Variants in CNKSR2 observed in about 807,000 individuals in gnomAD.
CNKSR2 encodes CNK homolog protein 2.
Under a neutral mutation model 84.4 loss-of-function variants are expected in CNKSR2, and 14 were observed. That is an observed-to-expected ratio of 0.17 (90% CI 0.11 to 0.26). The LOEUF (loss-of-function observed/expected upper bound fraction) is 0.26. CNKSR2 is among the 10% of genes least tolerant of loss of function. The pLI is 1.00. For missense variants in CNKSR2, 485 were observed against 771.2 expected, an observed-to-expected ratio of 0.63 and a Z score of 4.40; for synonymous variants, 275 against 277.9, an observed-to-expected ratio of 0.99 and a Z score of 0.10.
intron 1 of CNKSR2, among the ~76,000 whole-genome samples, chrX:21,385,386 AT>A (rs777001620): frequency 5.9e-4 from 66 of 112,145 alleles, no homozygotes; most frequent in Non-Finnish European, 1.0e-3. Context: ...GCACATATAA[AT>A]GTCAACTTTT....
At position 21,389,120 on chromosome X, in the gene CNKSR2, G is replaced by T. The variant is rs549436735; in HGVS notation, c.64+14159G>T. 5.6e-5 allele frequency among the ~76,000 whole-genome samples: 6 copies of T among 106,726 alleles called. No homozygotes were observed. The South Asian group carries it at 2.6e-3, about 47-fold the overall frequency. The allele number at this position is 106,726 out of a possible 115,157, so 92.7% of individuals were successfully genotyped here. A position where few individuals can be genotyped will look rare whatever the true frequency, so the allele number is the denominator to read the frequency against. The stretch of plus-strand genomic sequence containing the variant: ...ATTTAAGGACATTTTTCAGAATACC[G>T]AACCAATACTCCACAAAACTGTCAA... On this transcript the variant is annotated intron_variant, in intron 1 of 21. Coordinates refer to ENST00000379510, the MANE Select transcript of CNKSR2 (RefSeq NM_014927.5).
At chrX:21,495,296 A>T (rs2091482018) in intron 6 of CNKSR2, 1 of 111,660 alleles carries the variant, frequency 9.0e-6, no homozygotes, top group South Asian at 3.8e-4. Flanking sequence ...AACAGAGATA[A>T]TGATAGTTTC....
intron 20 of CNKSR2, among the ~76,000 whole-genome samples, chrX:21,648,096 C>G (rs1457025443): frequency 1.8e-5 from 2 of 111,711 alleles, no homozygotes; most frequent in Non-Finnish European, 3.8e-5. Flanking sequence ...TCAGGTCTTA[C>G]AAATACTAAG....
chrX:21,496,059 T>C (rs758467862), intron 6 of CNKSR2, among the ~76,000 whole-genome samples: 2 of 110,575 alleles, frequency 1.8e-5, no homozygotes, highest in East Asian at 5.7e-4. Flanking sequence ...CTGTAGGCAA[T>C]TGTGACACAG....
intron 1 of CNKSR2, among the ~76,000 whole-genome samples, chrX:21,411,422 G>A (rs1157172709): frequency 2.7e-5 from 3 of 111,579 alleles, no homozygotes; most frequent in African/African-American, 6.5e-5. Flanking sequence ...TGCCAAGCAC[G>A]AAGATTACAA....
At chrX:21,583,116 C>T (rs913920922) in intron 13 of CNKSR2, among the ~76,000 whole-genome samples, 3 of 110,977 alleles carry the variant, frequency 2.7e-5, no homozygotes, top group Admixed American at 9.6e-5. Context: ...ACATGTACCC[C>T]GATCCTAAAA....
intron 3 of CNKSR2, among the ~76,000 whole-genome samples, chrX:21,433,653 TACACACAC>T (rs56377458): frequency 1.8e-4 from 16 of 87,552 alleles, no homozygotes; most frequent in East Asian, 1.4e-3. Context: ...TATGTGTTCC[TACACACAC>T]ACACACACAC....
chrX:21,459,182 C>G lies in CNKSR2; in HGVS notation c.520-11584C>G, dbSNP rs141754794. ...GGATTACAGGTGTGCACTACCACCACCCGGCTACTTTTTGTATTTTTGGTA... is the reference window on the plus strand; with the variant it reads ...GGATTACAGGTGTGCACTACCACCAGCCGGCTACTTTTTGTATTTTTGGTA... On this transcript the variant is annotated intron_variant, in intron 4 of 21. Transcript: ENST00000379510. Among the ~76,000 whole-genome samples, 750 of 109,926 alleles carry G rather than the reference C, an allele frequency of 6.8e-3. 4 individuals are homozygous for G. Among genetic ancestry groups the G allele is most frequent in the African/African-American group, 0.024 (712 of 30,225 alleles).
At chrX:21,501,741 T>C (rs1316391883) in intron 8 of CNKSR2, among the ~76,000 whole-genome samples, 153 bp downstream of exon 8, 1 of 111,043 alleles carries the variant, frequency 9.0e-6, no homozygotes, top group Non-Finnish European at 1.9e-5. Flanking sequence ...TCTTAATTAT[T>C]TGATGGAACG....
intron 1 of CNKSR2, among the ~76,000 whole-genome samples, chrX:21,380,307 T>C (rs1206395168): frequency 9.0e-6 from 1 of 111,729 alleles, no homozygotes; most frequent in Non-Finnish European, 1.9e-5. Context: ...TTGTTAGATA[T>C]TTCGAATTTT....
intron 11 of CNKSR2, among the ~76,000 whole-genome samples, chrX:21,544,838 A>G (rs2092008634): frequency 9.0e-6 from 1 of 111,368 alleles, no homozygotes; most frequent in African/African-American, 3.3e-5. Flanking sequence ...CTATGCCATG[A>G]GGAACGGTGC....
chrX:21,426,685 G>A, intron 2 of CNKSR2, 25 bp downstream of exon 2: 2 of 1,156,095 alleles, frequency 1.7e-6, no homozygotes, highest in Non-Finnish European at 2.3e-6. Context: ...CTGGTGAAGA[G>A]GGAAACTTCT....
intron 19 of CNKSR2, 126 bp downstream of exon 19, chrX:21,607,005 G>A: frequency 2.7e-6 from 1 of 367,364 alleles, no homozygotes; most frequent in Middle Eastern, 4.0e-4. Context: ...AAAGAAAACT[G>A]GGAGTCTAAA....
Position 21,447,229 on chromosome X carries a change from A to G in CNKSR2, c.519+6448A>G, listed in dbSNP as rs769166232. Among the ~76,000 whole-genome samples, 292 of 111,415 alleles carry G rather than the reference A, an allele frequency of 2.6e-3. 3 individuals are homozygous for G. Among genetic ancestry groups the G allele is most frequent in the Middle Eastern group, 4.6e-3 (1 of 216 alleles). On this transcript the variant is annotated intron_variant, in intron 4 of 21. Transcript: ENST00000379510. ...TTCTGTGCATTATGTGCATACCCCA[A>G]TATGATTATCCATTCTTCTTATCAT...
At chrX:21,622,048 T>G (rs1378655870) in intron 20 of CNKSR2, among the ~76,000 whole-genome samples, 2 of 110,756 alleles carry the variant, frequency 1.8e-5, no homozygotes, top group Non-Finnish European at 3.8e-5. Context: ...GCTAAGATTA[T>G]AACCTTCTAG....
intron 18 of CNKSR2, among the ~76,000 whole-genome samples, chrX:21,603,403 T>G (rs772966759): frequency 8.9e-6 from 1 of 112,250 alleles, no homozygotes; most frequent in African/African-American, 3.2e-5. Flanking sequence ...TAGAGTTATA[T>G]CTTCTGAGTA....
intron 1 of CNKSR2, among the ~76,000 whole-genome samples, chrX:21,399,983 T>C (rs1601737730): frequency 9.0e-6 from 1 of 111,102 alleles, no homozygotes; most frequent in East Asian, 2.8e-4. Flanking sequence ...ACTAAGTCAC[T>C]GGCACTTAGT....
intron 13 of CNKSR2, among the ~76,000 whole-genome samples, chrX:21,577,567 G>A (rs991004748): frequency 7.3e-5 from 8 of 110,137 alleles, no homozygotes; most frequent in Non-Finnish European, 1.1e-4. Flanking sequence ...TGTTGTAGAC[G>A]TTTGTCTCCT....
chrX:21,578,523 T>C (rs753038016), intron 13 of CNKSR2, among the ~76,000 whole-genome samples: 3 of 105,681 alleles, frequency 2.8e-5, no homozygotes, highest in Admixed American at 2.1e-4. Flanking sequence ...TTCTCATAGG[T>C]AAAAAGAGGA....
Sources: allele counts gnomAD v4.1 joint callset (sites outside exome capture counted in the v4.1 genomes callset), GRCh38; gene constraint gnomAD v4.1.1; transcripts MANE v1.5; gene names NCBI Gene and HGNC (gene_info 2026-07-23, HGNC 2026-07-21).